The following PIBF1 variants were observed in gnomAD, a reference collection of about 807,000 sequenced individuals.
The protein encoded by PIBF1 is progesterone immunomodulatory binding factor 1.
In PIBF1, 90 loss-of-function variants were observed where a neutral mutation model predicts 112.5. The ratio of observed to expected loss-of-function variants is 0.80; its 90% CI spans 0.67 to 0.95. The LOEUF is 0.95. PIBF1 is among the 40% of genes least tolerant of loss of function. The pLI is 0.00. For missense variants in PIBF1, 915 were observed against 852.3 expected (o/e 1.07, Z -0.92); for synonymous variants, 301 against 288.6 (o/e 1.04, Z -0.44).
At chr13:72,927,957 A>ATG (rs1301689701) in intron 13 of PIBF1, among the ~76,000 whole-genome samples, 10 of 67,468 alleles carry the variant, frequency 1.5e-4, no homozygotes, top group Admixed American at 7.2e-4. Flanking sequence ...ATATATATAT[A>ATG]TACACATATA....
At chr13:72,832,072 CTTTTTTTTTTTTT>C (rs754794968) in intron 8 of PIBF1, among the ~76,000 whole-genome samples, 2,690 of 42,864 alleles carry the variant, frequency 0.063, 35 homozygotes, top group Middle Eastern at 0.078. Context: ...CAATTCCGGC[CTTTTTTTTTTTTT>C]TTTTTTTTTT....
intron 17 of PIBF1, among the ~76,000 whole-genome samples, chr13:73,014,272 C>G (rs1053475050): frequency 6.6e-6 from 1 of 152,108 alleles, no homozygotes; most frequent in Non-Finnish European, 1.5e-5. Context: ...TGTACCTATT[C>G]TCTACAATCT....
intron 5 of PIBF1, among the ~76,000 whole-genome samples, chr13:72,820,553 CA>C (rs1480097357): frequency 6.6e-6 from 1 of 152,158 alleles, no homozygotes; most frequent in Non-Finnish European, 1.5e-5. Flanking sequence ...TTACTTCTCT[CA>C]AATAGCCCTT....
chr13:72,846,239 A>G (rs955210926), intron 9 of PIBF1, among the ~76,000 whole-genome samples: 3 of 151,934 alleles, frequency 2.0e-5, no homozygotes, highest in South Asian at 4.2e-4. Context: ...ATTAAAGACA[A>G]CTCTATTCTT....
Position 72,931,263 on chromosome 13 carries a change from A to T in PIBF1, c.1829A>T (p.Gln610Leu), listed in dbSNP as rs180729941. 18 of 1,585,530 alleles carry T rather than the reference A, an allele frequency of 1.1e-5. No individual in the cohort carries two copies. In the African/African-American group the frequency reaches 2.3e-4, roughly 20 times the overall value. The change falls in exon 14 of 18, where the codon CAA (glutamine) becomes CTA (leucine). Residue 610 changes from glutamine to leucine, a missense_variant. Transcript: ENST00000326291. ...AAGGACCAAGTAACACAGCTTTCAC[A>T]AGAGGTAAATAACTTAAAGAAACCC... ...HRKDQVTQLS[Q>L]ELDRANSLLN...
chr13:72,796,669 A>G (rs1356361691), intron 4 of PIBF1, among the ~76,000 whole-genome samples: 2 of 150,126 alleles, frequency 1.3e-5, no homozygotes, highest in African/African-American at 4.9e-5. Flanking sequence ...TTTTTTTAAA[A>G]GGCTCAAATA....
At chr13:73,013,255 C>G (rs1219737936) in intron 17 of PIBF1, among the ~76,000 whole-genome samples, 16 of 139,158 alleles carry the variant, frequency 1.1e-4, no homozygotes, top group African/African-American at 4.1e-4. Flanking sequence ...GAGCCGAGAT[C>G]GCGCCACTGC....
intron 10 of PIBF1, among the ~76,000 whole-genome samples, chr13:72,867,274 T>TGCCTTCACAAGGAGGCCTCCTC (rs1566378882): frequency 6.6e-6 from 1 of 152,178 alleles, no homozygotes; most frequent in Non-Finnish European, 1.5e-5. Context: ...TGCTCCTCCT[T>TGCCTTCACAAGGAGGCCTCCTC]GCCTTCACAA....
intron 13 of PIBF1, among the ~76,000 whole-genome samples, chr13:72,917,410 T>G (rs952532099): frequency 1.3e-5 from 2 of 152,190 alleles, no homozygotes; most frequent in African/African-American, 4.8e-5. Flanking sequence ...AAGGACCTTG[T>G]TTTTATTTTC....
chr13:72,833,546 C>T (rs901099702), intron 8 of PIBF1, among the ~76,000 whole-genome samples: 7 of 152,206 alleles, frequency 4.6e-5, no homozygotes, highest in Admixed American at 1.3e-4. Context: ...GGTCCCCTCC[C>T]GACCCTGTTT....
At chr13:72,914,737 A>G (rs1019384515) in intron 12 of PIBF1, among the ~76,000 whole-genome samples, 4 of 152,104 alleles carry the variant, frequency 2.6e-5, no homozygotes, top group Non-Finnish European at 4.4e-5. Context: ...GACACATGCC[A>G]TCATGCCCAA....
chr13:72,940,483 A>G (rs11839138), intron 14 of PIBF1, among the ~76,000 whole-genome samples: 5 of 151,916 alleles, frequency 3.3e-5, no homozygotes, highest in Non-Finnish European at 2.9e-5. Flanking sequence ...TTGTCATTTC[A>G]TGGCTGCCTT....
At chr13:72,982,433 C>G (rs2138971724) in intron 16 of PIBF1, among the ~76,000 whole-genome samples, 1 of 152,042 alleles carries the variant, frequency 6.6e-6, no homozygotes, top group Non-Finnish European at 1.5e-5. Flanking sequence ...TAGACCCTAT[C>G]TAAAAAAACA....
chr13:72,998,861 A>G lies in PIBF1; in HGVS notation c.2089A>G (p.Ser697Gly), dbSNP rs1329577155. The G allele has an allele frequency of 6.2e-7, 1 of 1,612,386 alleles. No individual in the cohort carries two copies. Among genetic ancestry groups the G allele is most frequent in the Non-Finnish European group, 8.5e-7 (1 of 1,179,126 alleles). ...AMKQILVKMH[S>G]KHSENSLLLT... is the part of the protein sequence containing the mutation. ...GAAACAGATTCTCGTTAAGATGCAT[A>G]GTAAACATTCTGAGAACAGCTTACT... The change falls in exon 17 of 18, where the codon AGT (serine) becomes GGT (glycine). Residue 697 changes from serine to glycine, a missense_variant. Ser to Gly is a moderately conservative substitution (Grantham distance 56). Coordinates refer to ENST00000326291, the MANE Select transcript of PIBF1 (RefSeq NM_006346.4).
chr13:72,786,366 G>C (rs1233901936), intron 2 of PIBF1, among the ~76,000 whole-genome samples: 1 of 152,082 alleles, frequency 6.6e-6, no homozygotes, highest in Non-Finnish European at 1.5e-5. Context: ...CATTCCTATA[G>C]CTCATTCCAT....
intron 14 of PIBF1, among the ~76,000 whole-genome samples, chr13:72,955,421 C>A (rs1042489207): frequency 7.3e-5 from 11 of 151,598 alleles, no homozygotes; most frequent in Admixed American, 2.0e-4. Flanking sequence ...TACCAAATGC[C>A]AACCACCACT....
intron 5 of PIBF1, among the ~76,000 whole-genome samples, chr13:72,805,006 T>C (rs1367569868): frequency 6.6e-6 from 1 of 152,094 alleles, no homozygotes; most frequent in East Asian, 1.9e-4. Context: ...AGAGTCACAC[T>C]CTTGTCACCT....
At position 72,976,902 on chromosome 13, in the gene PIBF1, G is replaced by C. The variant is rs555100617; in HGVS notation, c.2049+3227G>C. Among the ~76,000 whole-genome samples the C allele has an allele frequency of 3.3e-5, 5 of 152,250 alleles. No homozygotes were observed. In the South Asian group the frequency reaches 8.3e-4, roughly 25 times the overall value. Reference sequence around the variant, plus strand: ...TGAAAATCAGGGCTGGGACTAGGGTGAGGCAAGCAAGGCATCTAGGACACA... The same window carrying C: ...TGAAAATCAGGGCTGGGACTAGGGTCAGGCAAGCAAGGCATCTAGGACACA... On this transcript the variant is annotated intron_variant, in intron 16 of 17. Coordinates refer to ENST00000326291, the MANE Select transcript of PIBF1 (RefSeq NM_006346.4).
At chr13:72,832,152 A>G (rs1229358291) in intron 8 of PIBF1, among the ~76,000 whole-genome samples, 3 of 111,560 alleles carry the variant, frequency 2.7e-5, no homozygotes, top group Non-Finnish European at 5.0e-5. Context: ...TTTTGAGCCT[A>G]TATGTGTCTT....
Sources: gnomAD v4.1 joint callset for allele counts (sites outside exome capture counted in the v4.1 genomes callset) on GRCh38, gnomAD v4.1.1 for gene constraint, MANE v1.5 for transcripts, NCBI Gene and HGNC (gene_info 2026-07-23, HGNC 2026-07-21) for gene names.